Variants in MARCHF1 observed in about 807,000 individuals in gnomAD.
The protein encoded by MARCHF1 is membrane associated ring-CH-type finger 1.
A neutral mutation model predicts 54.2 loss-of-function variants in MARCHF1; 40 were observed. That is an observed-to-expected ratio of 0.74 (90% CI 0.57 to 0.96). The LOEUF is 0.96. MARCHF1 is among the 40% of genes least tolerant of loss of function. MARCHF1 has a pLI of 0.00. For synonymous variants in MARCHF1, 236 were observed against 236.3 expected (o/e 1.00, Z 0.01); for missense variants, 586 against 656.5 (o/e 0.89, Z 1.17).
intron 1 of MARCHF1, among the ~76,000 whole-genome samples, chr4:164,121,664 T>C (rs1033126546): frequency 6.6e-6 from 1 of 151,946 alleles, no homozygotes; most frequent in Non-Finnish European, 1.5e-5. Flanking sequence ...CCAAACCATA[T>C]CAAACCAGTA....
chr4:163,620,256 A>G (rs1741636764), intron 5 of MARCHF1, among the ~76,000 whole-genome samples: 2 of 152,166 alleles, frequency 1.3e-5, no homozygotes, highest in Non-Finnish European at 2.9e-5. Context: ...AAAGAGATTG[A>G]TAATACCCAG....
At chr4:164,381,553 C>G (rs1449460362) in intron 1 of MARCHF1, among the ~76,000 whole-genome samples, 1 of 152,138 alleles carries the variant, frequency 6.6e-6, no homozygotes, top group Non-Finnish European at 1.5e-5. Context: ...AACATCTTAT[C>G]GCTAAAGGTA....
intron 2 of MARCHF1, among the ~76,000 whole-genome samples, chr4:164,062,297 T>C (rs1754635702): frequency 6.6e-6 from 1 of 152,204 alleles, no homozygotes; most frequent in East Asian, 1.9e-4. Context: ...CTTCCTCCAT[T>C]GAAATTTTGA....
chr4:164,276,820 T>C (rs1429187456), intron 1 of MARCHF1, among the ~76,000 whole-genome samples: 1 of 149,058 alleles, frequency 6.7e-6, no homozygotes, highest in Non-Finnish European at 1.5e-5. Context: ...ATGAGACATT[T>C]CCCTAATCAT....
intron 1 of MARCHF1, among the ~76,000 whole-genome samples, chr4:164,280,519 A>G (rs1353168450): frequency 6.6e-6 from 1 of 152,118 alleles, no homozygotes; most frequent in East Asian, 1.9e-4. Flanking sequence ...TGGAAAAAGG[A>G]TAACATTGAT....
chr4:163,698,530 G>A (rs558381220), intron 5 of MARCHF1, among the ~76,000 whole-genome samples: 1 of 152,224 alleles, frequency 6.6e-6, no homozygotes, highest in South Asian at 2.1e-4. Flanking sequence ...TTATGTTTAA[G>A]AATAGAGTTT....
At chr4:163,876,407 T>A (rs2111231596) in intron 3 of MARCHF1, among the ~76,000 whole-genome samples, 1 of 152,294 alleles carries the variant, frequency 6.6e-6, no homozygotes. Context: ...TTATAAAGAT[T>A]GACTTCAGAA....
chr4:163,970,386 T>A (rs993852404), intron 3 of MARCHF1, among the ~76,000 whole-genome samples: 1 of 152,076 alleles, frequency 6.6e-6, no homozygotes, highest in Admixed American at 6.5e-5. Flanking sequence ...ATACACCGAG[T>A]CATCCATTAA....
intron 4 of MARCHF1, among the ~76,000 whole-genome samples, chr4:163,712,891 G>A (rs1019430715): frequency 2.6e-5 from 4 of 151,974 alleles, no homozygotes; most frequent in African/African-American, 9.7e-5. Context: ...CAAGTCTTAA[G>A]ACAACATTTT....
intron 4 of MARCHF1, among the ~76,000 whole-genome samples, chr4:163,746,417 C>G (rs1057451392): frequency 6.6e-6 from 1 of 152,142 alleles, no homozygotes; most frequent in African/African-American, 2.4e-5. Context: ...CCAGCGGGGA[C>G]ATTTGGTGGC....
At chr4:163,699,930 A>G (rs80346556) in intron 5 of MARCHF1, among the ~76,000 whole-genome samples, 4,490 of 151,286 alleles carry the variant, frequency 0.03, 75 homozygotes, top group East Asian at 0.076. Context: ...CTGGGGTCCT[A>G]CTTAGATTTA....
At chr4:164,092,340 C>G (rs1755322260) in intron 2 of MARCHF1, among the ~76,000 whole-genome samples, 1 of 152,140 alleles carries the variant, frequency 6.6e-6, no homozygotes, top group Admixed American at 6.6e-5. Flanking sequence ...AGGCCATATT[C>G]ACTATCATGT....
chr4:163,679,170 T>C (rs1255074897), intron 5 of MARCHF1, among the ~76,000 whole-genome samples: 1 of 152,212 alleles, frequency 6.6e-6, no homozygotes, highest in Non-Finnish European at 1.5e-5. Flanking sequence ...CTAGAATGTT[T>C]TGGCAGAATC....
At chr4:163,972,801 C>T (rs1047139946) in intron 3 of MARCHF1, among the ~76,000 whole-genome samples, 14 of 151,780 alleles carry the variant, frequency 9.2e-5, no homozygotes, top group Admixed American at 2.0e-4. Flanking sequence ...TCGTGATCCA[C>T]CTGCCTCGGC....
intron 3 of MARCHF1, among the ~76,000 whole-genome samples, chr4:163,907,318 T>C (rs553739748): frequency 6.6e-6 from 1 of 152,194 alleles, no homozygotes; most frequent in Non-Finnish European, 1.5e-5. Context: ...TTTTACATGT[T>C]TGTGTAATTT....
chr4:163,739,535 C>T (rs9998696), intron 4 of MARCHF1, among the ~76,000 whole-genome samples: 3,936 of 152,152 alleles, frequency 0.026, 163 homozygotes, highest in African/African-American at 0.089. Context: ...AATAAAAGAA[C>T]GCTAAACTGA....
At chr4:163,900,484 G>A (rs182312990) in intron 3 of MARCHF1, among the ~76,000 whole-genome samples, 2 of 152,108 alleles carry the variant, frequency 1.3e-5, no homozygotes, top group Admixed American at 6.6e-5. Context: ...CTAGGGACTT[G>A]TTCTGTAGTT....
chr4:163,915,548 G>A (rs923684940), intron 3 of MARCHF1, among the ~76,000 whole-genome samples: 1 of 151,922 alleles, frequency 6.6e-6, no homozygotes. Context: ...AATAAATTGT[G>A]GATTTTAATT....
intron 1 of MARCHF1, among the ~76,000 whole-genome samples, chr4:164,283,143 A>AT (rs1734066777): frequency 6.6e-6 from 1 of 151,102 alleles, no homozygotes; most frequent in African/African-American, 2.4e-5. Context: ...CCAAATACAA[A>AT]TCTTATTCAT....
Sources: allele counts gnomAD v4.1 joint callset (sites outside exome capture counted in the v4.1 genomes callset), GRCh38; gene constraint gnomAD v4.1.1; transcripts MANE v1.5; gene names NCBI Gene and HGNC (gene_info 2026-07-23, HGNC 2026-07-21).